Variants in SAMD11 observed in about 807,000 individuals in gnomAD.
SAMD11 encodes sterile alpha motif domain containing 11, also known as sterile alpha motif domain-containing protein 11.
SAMD11 carries 77 observed loss-of-function variants against 64.4 expected under a neutral mutation model. The ratio of observed to expected loss-of-function variants is 1.20; its 90% CI spans 0.99 to 1.44. The LOEUF is 1.44. Among genes scored for constraint, SAMD11 ranks in the 40% most tolerant of loss-of-function variants. The probability of loss-of-function intolerance (pLI) is 0.00; values close to 1 mark genes in which losing one functional copy is unlikely to be tolerated. For synonymous variants in SAMD11, 658 were observed against 421.9 expected (o/e 1.56, Z -6.86); for missense variants, 1,402 against 943.3 (o/e 1.49, Z -6.37).
intron 5 of SAMD11, among the ~76,000 whole-genome samples, chr1:937,484 A>G (rs967417719): frequency 6.7e-6 from 1 of 148,764 alleles, no homozygotes; most frequent in African/African-American, 2.5e-5. Context: ...ACTGTGTACA[A>G]TGGAAAAGTG....
rs1411607869 is a variant in SAMD11 at position 942,153 on chromosome 1, C to A, written c.1376C>A (p.Pro459His). The A allele has an allele frequency of 7.3e-7, 1 of 1,366,666 alleles. No individual in the cohort carries two copies. The highest frequency in any genetic ancestry group is 9.8e-7 in the Non-Finnish European group (1 of 1,025,184). 84.7% of individuals were successfully genotyped at this position (1,366,666 alleles called of 1,614,324 possible). ...SFSERELPQPPPLLSPQNAPH... is the reference protein window; with the variant it reads ...SFSERELPQPHPLLSPQNAPH... Reference sequence around the variant, plus strand: ...GTCCACAGGGAGCTGCCTCAGCCGCCCCCCTTGCTGTCGCCGCAGAATGCC... The same window carrying A: ...GTCCACAGGGAGCTGCCTCAGCCGCACCCCTTGCTGTCGCCGCAGAATGCC... The change falls in exon 9 of 14, where the codon CCC becomes CAC. Residue 459 changes from proline (P) to histidine (H), a missense_variant. Transcript: ENST00000616016.
At chr1:925,340 G>A (rs1419217700) in intron 1 of SAMD11, among the ~76,000 whole-genome samples, 1 of 149,748 alleles carries the variant, frequency 6.7e-6, no homozygotes, top group Non-Finnish European at 1.5e-5. Flanking sequence ...GCGCGGCGGG[G>A]GAGGCTGCGG....
At chr1:942,336 G>A (rs1162548190) in intron 9 of SAMD11, 74 bp from the exon 10 acceptor site, 1 of 1,124,476 alleles carries the variant, frequency 8.9e-7, no homozygotes, top group Non-Finnish European at 1.2e-6. Flanking sequence ...GAGACGGACC[G>A]GGTAGGGGAT....
chr1:943,199 C>T (rs979597775), intron 11 of SAMD11, 54 bp from the exon 12 acceptor site: 8 of 1,609,316 alleles, frequency 5.0e-6, no homozygotes, highest in Middle Eastern at 1.7e-4. Flanking sequence ...GGTCAGGAGA[C>T]GGGCGGGTAT....
intron 6 of SAMD11, 72 bp from the exon 7 acceptor site, chr1:939,203 G>A: frequency 6.4e-7 from 1 of 1,552,616 alleles, no homozygotes; most frequent in East Asian, 2.4e-5. Context: ...TGGACCTCGA[G>A]CAGGCACTCT....
rs1641861633 is a variant in SAMD11 at position 942,701 on chromosome 1, G to C, written c.1696G>C (p.Gly566Arg). ...RRGALLVLNHGAAPLLALPPQ... is the reference protein window; with the variant it reads ...RRGALLVLNHRAAPLLALPPQ... Reference sequence around the variant, plus strand: ...CGGGGCCCTGCTGGTGCTGAACCACGGCGCGGCGCCACTGCTGGCCCTGCC... The same window carrying C: ...CGGGGCCCTGCTGGTGCTGAACCACCGCGCGGCGCCACTGCTGGCCCTGCC... Residue 566 changes from glycine to arginine, a missense_variant, in exon 11 of 14, where the codon GGC (glycine) becomes CGC (arginine). Physicochemically the swap from Gly to Arg is moderately radical, Grantham distance 125. Transcript: ENST00000616016. The C allele has an allele frequency of 2.1e-6, 3 of 1,440,932 alleles. No individual in the cohort carries two copies. Among genetic ancestry groups the C allele is most frequent in the Admixed American group, 2.9e-5 (1 of 34,272 alleles). 89.3% of individuals were successfully genotyped at this position (1,440,932 alleles called of 1,614,324 possible).
intron 8 of SAMD11, among the ~76,000 whole-genome samples, chr1:941,585 G>A (rs113072318): frequency 1.1e-3 from 174 of 152,212 alleles, no homozygotes; most frequent in African/African-American, 4.1e-3. Flanking sequence ...AGTCGGGAGG[G>A]GTCGGCCAGA....
chr1:928,209 C>T lies in SAMD11; in HGVS notation c.610-1946C>T, dbSNP rs568159093. ...GAGATCGAGACCATCCTGACTAACA[C>T]GGTGAAACCCGTCTCTACTAAAAAT... On this transcript the variant is annotated intron_variant, in intron 2 of 13. Transcript: ENST00000616016. 5.8e-3 allele frequency among the ~76,000 whole-genome samples: 858 copies of T among 149,028 alleles called. 23 individuals are homozygous for T. The East Asian group carries it at 0.099, about 17-fold the overall frequency.
intron 2 of SAMD11, 54 bp downstream of exon 2, chr1:926,067 T>C: frequency 6.5e-7 from 1 of 1,548,964 alleles, no homozygotes; most frequent in Non-Finnish European, 8.9e-7. Context: ...GCGGAGCTTG[T>C]CCCTGCGGTT....
chr1:940,812 ACT>A (rs1641718783), intron 7 of SAMD11, among the ~76,000 whole-genome samples: 1 of 151,530 alleles, frequency 6.6e-6, no homozygotes, highest in Non-Finnish European at 1.5e-5. Flanking sequence ...GCACTTCTGG[ACT>A]CTCTCGCTGC....
At chr1:932,352 C>T (rs1420396879) in intron 4 of SAMD11, among the ~76,000 whole-genome samples, 2 of 152,194 alleles carry the variant, frequency 1.3e-5, no homozygotes, top group East Asian at 3.9e-4. Flanking sequence ...CTCGGCAGCA[C>T]TGACGGCAGA....
chr1:942,738 C>A lies in SAMD11; in HGVS notation c.1733C>A (p.Pro578His). 6.8e-7 allele frequency: 1 copy of A among 1,480,884 alleles called. No individual in the cohort carries two copies. Among genetic ancestry groups the A allele is most frequent in the Non-Finnish European group, 8.9e-7 (1 of 1,124,260 alleles). 91.7% of individuals were successfully genotyped at this position (1,480,884 alleles called of 1,614,324 possible). A position where few individuals can be genotyped will look rare whatever the true frequency, so the allele number is the denominator to read the frequency against. ...APLLALPPQGPPGSGPPTPSR... is the reference protein window; with the variant it reads ...APLLALPPQGHPGSGPPTPSR... Reference sequence around the variant, plus strand: ...CTGCTGGCCCTGCCCCCCCAGGGGCCCCCGGGCTCCGGACCCCCCACCCCG... The same window carrying A: ...CTGCTGGCCCTGCCCCCCCAGGGGCACCCGGGCTCCGGACCCCCCACCCCG... The change falls in exon 11 of 14, where the codon CCC becomes CAC. Residue 578 changes from proline (P) to histidine (H), a missense_variant. Physicochemically the swap from Pro to His is moderately conservative, Grantham distance 77. Transcript: ENST00000616016.
chr1:927,376 G>A (rs971504132), intron 2 of SAMD11, among the ~76,000 whole-genome samples: 14 of 152,138 alleles, frequency 9.2e-5, no homozygotes, highest in Non-Finnish European at 1.2e-4. Context: ...TGAGCCCAGC[G>A]TCAGTCTCTT....
intron 5 of SAMD11, among the ~76,000 whole-genome samples, chr1:937,872 C>T (rs928148712): frequency 3.3e-5 from 5 of 152,230 alleles, no homozygotes; most frequent in Non-Finnish European, 7.3e-5. Context: ...GTGTGGCCGC[C>T]GCACTTCCCC....
intron 5 of SAMD11, 75 bp downstream of exon 5, chr1:935,971 C>T (rs1641412720): frequency 2.0e-6 from 3 of 1,492,736 alleles, no homozygotes; most frequent in Non-Finnish European, 1.8e-6. Flanking sequence ...CACTCAGCAC[C>T]AGCAGCCTTG....
Position 941,139 on chromosome 1 carries a change from C to T in SAMD11, c.1196-5C>T, listed in dbSNP as rs1427103811. On this transcript the variant is annotated splice_polypyrimidine_tract_variant and splice_region_variant and intron_variant, in intron 7 of 13. Transcript: ENST00000616016. ...GGGGGATCACTGCTGTTGTCCCCCACCCAGATCTCCTGAGGGTCCGGCAGG... is the reference window on the plus strand; with the variant it reads ...GGGGGATCACTGCTGTTGTCCCCCATCCAGATCTCCTGAGGGTCCGGCAGG... The T allele has an allele frequency of 1.3e-6, 2 of 1,594,922 alleles. No individual in the cohort carries two copies. Among genetic ancestry groups the T allele is most frequent in the Non-Finnish European group, 1.7e-6 (2 of 1,171,874 alleles).
At chr1:943,834 G>T (rs1366709275) in intron 13 of SAMD11, 26 bp downstream of exon 13, 2 of 1,612,924 alleles carry the variant, frequency 1.2e-6, no homozygotes, top group Non-Finnish European at 1.7e-6. Context: ...GTGAGGTCAG[G>T]GTCTCCAGAC....
intron 4 of SAMD11, 146 bp downstream of exon 4, chr1:931,235 T>C: frequency 2.4e-6 from 2 of 821,662 alleles, no homozygotes; most frequent in African/African-American, 1.7e-5. Flanking sequence ...AGGTTTGACA[T>C]GTGCTGCAAG....
chr1:935,742 G>A, intron 4 of SAMD11, 30 bp from the exon 5 acceptor site: 1 of 1,612,524 alleles, frequency 6.2e-7, no homozygotes, highest in South Asian at 1.1e-5. Flanking sequence ...GCTGCCCACG[G>A]GGTCAGCTTT....
Sources: allele counts gnomAD v4.1 joint callset (sites outside exome capture counted in the v4.1 genomes callset), GRCh38; gene constraint gnomAD v4.1.1; transcripts MANE v1.5; gene names NCBI Gene and HGNC (gene_info 2026-07-23, HGNC 2026-07-21).